UBE2W: variants seen among roughly 807,000 people sequenced by gnomAD.
UBE2W encodes the protein ubiquitin conjugating enzyme E2 W.
UBE2W carries 18 observed loss-of-function variants against 27.2 expected under a neutral mutation model. The ratio of observed to expected loss-of-function variants is 0.66; its 90% CI spans 0.46 to 0.98. The LOEUF (loss-of-function observed/expected upper bound fraction) is 0.98, where lower values mean the gene tolerates loss of function less well. Ranked by LOEUF, UBE2W falls within the 50% of genes least tolerant of loss-of-function variation. UBE2W has a pLI of 0.00. For synonymous variants in UBE2W, 53 were observed against 57.2 expected (o/e 0.93, Z 0.33); for missense variants, 90 against 180.2 (o/e 0.50, Z 2.87).
chr8:73,829,656 T>G (rs752695136), intron 2 of UBE2W, among the ~76,000 whole-genome samples: 1 of 152,110 alleles, frequency 6.6e-6, no homozygotes, highest in Non-Finnish European at 1.5e-5. Flanking sequence ...TCTTAGGTAC[T>G]GATACAAATG....
At chr8:73,838,543 C>G (rs1418963423) in intron 1 of UBE2W, among the ~76,000 whole-genome samples, 1 of 152,114 alleles carries the variant, frequency 6.6e-6, no homozygotes, top group East Asian at 1.9e-4. Context: ...AATTCGAGAC[C>G]AGCCTGCACA....
At chr8:73,873,542 G>C (rs1812094171) in intron 1 of UBE2W, among the ~76,000 whole-genome samples, 1 of 152,140 alleles carries the variant, frequency 6.6e-6, no homozygotes, top group Non-Finnish European at 1.5e-5. Flanking sequence ...TATAGTCCCA[G>C]CTGCTTGGGA....
At chr8:73,840,483 C>T (rs1810496299) in intron 1 of UBE2W, among the ~76,000 whole-genome samples, 1 of 152,120 alleles carries the variant, frequency 6.6e-6, no homozygotes, top group African/African-American at 2.4e-5. Flanking sequence ...GGTTATGAAT[C>T]AAAACTGGAA....
rs1440662255 is a variant in UBE2W at position 73,794,171 on chromosome 8, C to T, written c.443-56G>A. On this transcript the variant is annotated intron_variant, in intron 5 of 5. Transcript: ENST00000602593. ...AAAGTCAAGCATGTATAAGTAAATT[C>T]TACAAGTCTGTTTAATGTAGAAATA... The T allele has an allele frequency of 1.1e-5, 18 of 1,584,150 alleles. No individual in the cohort carries two copies. In the East Asian group the frequency reaches 1.6e-4, roughly 14 times the overall value.
intron 1 of UBE2W, among the ~76,000 whole-genome samples, chr8:73,861,483 T>A (rs1586538424): frequency 6.6e-6 from 1 of 152,150 alleles, no homozygotes; most frequent in Admixed American, 6.5e-5. Flanking sequence ...ACTTCTGTTG[T>A]TATTTTTTGT....
chr8:73,809,394 G>A (rs1437745372), intron 4 of UBE2W, among the ~76,000 whole-genome samples: 1 of 152,078 alleles, frequency 6.6e-6, no homozygotes, highest in Non-Finnish European at 1.5e-5. Flanking sequence ...CTAGGGCAAA[G>A]CTGTTTCTCC....
At chr8:73,810,338 A>T in intron 4 of UBE2W, 136 bp downstream of exon 4, 1 of 909,150 alleles carries the variant, frequency 1.1e-6, no homozygotes, top group Non-Finnish European at 1.6e-6. Flanking sequence ...ATTTATTACT[A>T]AACATGAAAT....
chr8:73,819,561 A>G (rs1586475075), intron 3 of UBE2W, among the ~76,000 whole-genome samples: 1 of 152,346 alleles, frequency 6.6e-6, no homozygotes, highest in East Asian at 1.9e-4. Context: ...ATTTACCTGT[A>G]TCCTAGCATA....
chr8:73,794,584 G>C (rs75150312), intron 5 of UBE2W, among the ~76,000 whole-genome samples: 2,201 of 152,220 alleles, frequency 0.014, 60 homozygotes, highest in African/African-American at 0.05. Flanking sequence ...TCAATAAACA[G>C]TTAAGATTAA....
At chr8:73,866,267 C>T (rs1234230089) in intron 1 of UBE2W, among the ~76,000 whole-genome samples, 1 of 24,336 alleles carries the variant, frequency 4.1e-5, no homozygotes, top group Non-Finnish European at 6.7e-5. Flanking sequence ...AAGACTTGGT[C>T]TAAAAAAAAA....
chr8:73,809,868 C>T (rs994818301), intron 4 of UBE2W, among the ~76,000 whole-genome samples: 2 of 152,096 alleles, frequency 1.3e-5, no homozygotes, highest in Non-Finnish European at 2.9e-5. Context: ...TGTAAGCCAC[C>T]GTGCCCAGCC....
chr8:73,874,988 G>C (rs1409999395), intron 1 of UBE2W, among the ~76,000 whole-genome samples: 1 of 152,158 alleles, frequency 6.6e-6, no homozygotes, highest in African/African-American at 2.4e-5. Flanking sequence ...GCAGCAAGCC[G>C]AGACAGCGCC....
At chr8:73,878,209 G>C (rs921255598) in intron 1 of UBE2W, among the ~76,000 whole-genome samples, 3 of 152,226 alleles carry the variant, frequency 2.0e-5, no homozygotes, top group Non-Finnish European at 4.4e-5. Context: ...TACCGAGGCT[G>C]ATGGAAATAG....
Position 73,792,737 on chromosome 8 carries a change from C to T in UBE2W, c.*1365G>A, listed in dbSNP as rs1254096823. ...TACATTAATCACTTTTTAAAAAGAA[C>T]TTAGTTGTAGTATCATTAACTCACA... On this transcript the variant is annotated 3_prime_UTR_variant, in exon 6 of 6. Coordinates refer to ENST00000602593, the MANE Select transcript of UBE2W (RefSeq NM_018299.6). 2.0e-6 allele frequency: 2 copies of T among 985,102 alleles called. No individual in the cohort carries two copies. Among genetic ancestry groups the T allele is most frequent in the Non-Finnish European group, 2.4e-6 (2 of 829,450 alleles). The allele number at this position is 985,102 out of a possible 1,614,324, so 61.0% of individuals were successfully genotyped here.
Position 73,788,519 on chromosome 8 carries a change from T to A in UBE2W, c.*5583A>T. ...ACCTGACCACCAATTTGCCTTTACA[T>A]AAACAATCTGTGGTTAACTATGAAA... is the stretch of plus-strand genomic sequence containing the variant. On this transcript the variant is annotated 3_prime_UTR_variant, in exon 6 of 6. Coordinates refer to ENST00000602593, the MANE Select transcript of UBE2W (RefSeq NM_018299.6). 1.0e-6 allele frequency: 1 copy of A among 985,452 alleles called. No individual in the cohort carries two copies. The highest frequency in any genetic ancestry group is 4.7e-5 in the South Asian group (1 of 21,290). The allele number at this position is 985,452 out of a possible 1,614,324, so 61.0% of individuals were successfully genotyped here.
intron 5 of UBE2W, among the ~76,000 whole-genome samples, chr8:73,804,646 T>C (rs1319737382): frequency 6.6e-6 from 1 of 151,982 alleles, no homozygotes; most frequent in African/African-American, 2.4e-5. Flanking sequence ...CTCCCGGCCA[T>C]GAATACTACC....
chr8:73,846,218 G>A (rs1810791507), intron 1 of UBE2W, among the ~76,000 whole-genome samples: 1 of 152,062 alleles, frequency 6.6e-6, no homozygotes, highest in South Asian at 2.1e-4. Flanking sequence ...CCAACATGGT[G>A]AAACCTCACC....
chr8:73,825,247 C>G lies in UBE2W; in HGVS notation c.110G>C (p.Trp37Ser). 6.5e-7 allele frequency: 1 copy of G among 1,547,318 alleles called. No homozygotes were observed. The change falls in exon 3 of 6, where the codon TGG (tryptophan) becomes TCG (serine). Residue 37 changes from tryptophan (W) to serine (S), a missense_variant and splice_region_variant. Physicochemically the swap from Trp to Ser is radical, Grantham distance 177 (BLOSUM62 -3). Coordinates refer to ENST00000602593, the MANE Select transcript of UBE2W (RefSeq NM_018299.6). The stretch of plus-strand genomic sequence containing the variant: ...TGGTGCACCTTCCATGTCTACAATC[C>G]ACCTAGAATAGAAAAGGCAAATTAA... The part of the protein sequence containing the change: ...EKSVQNSITQ[W>S]IVDMEGAPGT...
At chr8:73,824,362 G>A (rs539187815) in intron 3 of UBE2W, among the ~76,000 whole-genome samples, 2 of 152,298 alleles carry the variant, frequency 1.3e-5, no homozygotes, top group South Asian at 4.1e-4. Context: ...CTGATGTTTA[G>A]ATATTTAACA....
Sources: gnomAD v4.1 joint callset for allele counts (sites outside exome capture counted in the v4.1 genomes callset) on GRCh38, gnomAD v4.1.1 for gene constraint, MANE v1.5 for transcripts, NCBI Gene and HGNC (gene_info 2026-07-23, HGNC 2026-07-21) for gene names.